Variants in DIAPH3 observed in about 807,000 individuals in gnomAD.
DIAPH3 encodes the protein protein diaphanous homolog 3.
In DIAPH3, 117 loss-of-function variants were observed where a neutral mutation model predicts 144.3. The ratio of observed to expected loss-of-function variants is 0.81; its 90% CI spans 0.70 to 0.95. The LOEUF (loss-of-function observed/expected upper bound fraction) is 0.95, where lower values mean the gene tolerates loss of function less well. Ranked by LOEUF, DIAPH3 falls within the 40% of genes least tolerant of loss-of-function variation. The probability of loss-of-function intolerance (pLI) is 0.00; values close to 1 mark genes in which losing one functional copy is unlikely to be tolerated. For missense variants in DIAPH3, 1,421 were observed against 1,412.7 expected (o/e 1.01, Z -0.09); for synonymous variants, 519 against 488.9 (o/e 1.06, Z -0.81).
chr13:59,945,620 GAA>G (rs150378815), intron 17 of DIAPH3, among the ~76,000 whole-genome samples: 3 of 132,108 alleles, frequency 2.3e-5, no homozygotes, highest in Admixed American at 7.7e-5. Context: ...CTTGCTGACA[GAA>G]AAAAAAAAAA....
At chr13:60,042,453 T>C (rs2055743851) in intron 5 of DIAPH3, among the ~76,000 whole-genome samples, 1 of 152,174 alleles carries the variant, frequency 6.6e-6, no homozygotes. Flanking sequence ...ACACCTTAAG[T>C]TTCTAAAAAT....
intron 14 of DIAPH3, among the ~76,000 whole-genome samples, chr13:59,979,002 C>A (rs899529701): frequency 6.6e-6 from 1 of 151,548 alleles, no homozygotes; most frequent in Non-Finnish European, 1.5e-5. Context: ...TAGCTTCCTG[C>A]CTAAAGCAAA....
At chr13:59,984,006 A>G (rs2140729573) in intron 12 of DIAPH3, 119 bp from the exon 13 acceptor site, 4 of 696,044 alleles carry the variant, frequency 5.7e-6, no homozygotes, top group South Asian at 3.4e-5. Context: ...TATAATTTCA[A>G]TAGTTGACAC....
chr13:59,704,443 T>A (rs73208910), intron 27 of DIAPH3, among the ~76,000 whole-genome samples: 6,917 of 152,326 alleles, frequency 0.045, 180 homozygotes, highest in African/African-American at 0.054. Flanking sequence ...TTGGCAGGAA[T>A]GTTGATCTGC....
chr13:59,686,441 C>T (rs1337240369), intron 27 of DIAPH3, among the ~76,000 whole-genome samples: 1 of 151,452 alleles, frequency 6.6e-6, no homozygotes, highest in Non-Finnish European at 1.5e-5. Flanking sequence ...ATTCGGCTCA[C>T]AGGTGACTGT....
intron 3 of DIAPH3, among the ~76,000 whole-genome samples, chr13:60,093,961 T>G (rs2058032436): frequency 6.6e-6 from 1 of 152,198 alleles, no homozygotes; most frequent in Admixed American, 6.5e-5. Flanking sequence ...AAAGAACTTT[T>G]AAAATTCACA....
chr13:59,712,364 T>G (rs534129091), intron 27 of DIAPH3, among the ~76,000 whole-genome samples: 1 of 152,308 alleles, frequency 6.6e-6, no homozygotes, highest in South Asian at 2.1e-4. Context: ...AACAAGAGAC[T>G]CATCTGTCTG....
chr13:59,886,151 T>C (rs1419697497), intron 20 of DIAPH3, among the ~76,000 whole-genome samples: 1 of 152,170 alleles, frequency 6.6e-6, no homozygotes, highest in African/African-American at 2.4e-5. Flanking sequence ...TGTTTTATTC[T>C]AGTTATCTTT....
At chr13:59,690,243 T>C (rs182724280) in intron 27 of DIAPH3, among the ~76,000 whole-genome samples, 1 of 152,270 alleles carries the variant, frequency 6.6e-6, no homozygotes, top group East Asian at 1.9e-4. Flanking sequence ...GCTTTATGTG[T>C]TTCAATGCAT....
intron 5 of DIAPH3, among the ~76,000 whole-genome samples, chr13:60,022,698 C>T (rs1259237270): frequency 6.6e-6 from 1 of 152,098 alleles, no homozygotes; most frequent in East Asian, 1.9e-4. Context: ...CCTTTATGAC[C>T]TCATCTTAAT....
chr13:59,977,634 G>T (rs1406902499), intron 14 of DIAPH3, among the ~76,000 whole-genome samples: 3 of 151,738 alleles, frequency 2.0e-5, no homozygotes, highest in Non-Finnish European at 4.4e-5. Flanking sequence ...AGAACTGAAG[G>T]CCTTCCTGAA....
At chr13:59,876,342 C>A (rs557550862) in intron 21 of DIAPH3, among the ~76,000 whole-genome samples, 1 of 152,230 alleles carries the variant, frequency 6.6e-6, no homozygotes, top group East Asian at 1.9e-4. Context: ...TCTTCCACAA[C>A]AGAAGGCTCC....
At chr13:59,740,127 G>A (rs1477440596) in intron 27 of DIAPH3, among the ~76,000 whole-genome samples, 2 of 152,126 alleles carry the variant, frequency 1.3e-5, no homozygotes, top group Non-Finnish European at 2.9e-5. Flanking sequence ...TTGATAATGT[G>A]TATACACTCA....
chr13:59,824,109 G>A (rs1484344787), intron 24 of DIAPH3, among the ~76,000 whole-genome samples: 1 of 152,058 alleles, frequency 6.6e-6, no homozygotes, highest in Non-Finnish European at 1.5e-5. Flanking sequence ...AGCTATACAT[G>A]TGAAACAGGT....
intron 27 of DIAPH3, among the ~76,000 whole-genome samples, chr13:59,752,738 C>G (rs1338055564): frequency 6.6e-6 from 1 of 151,960 alleles, no homozygotes; most frequent in Non-Finnish European, 1.5e-5. Flanking sequence ...TGGGAAAGGT[C>G]TAAACAAAAA....
intron 20 of DIAPH3, among the ~76,000 whole-genome samples, chr13:59,884,270 G>T (rs142445000): frequency 0.012 from 1,756 of 152,240 alleles, 19 homozygotes; most frequent in Middle Eastern, 0.034. Flanking sequence ...CCATTTAGTT[G>T]CAGGAAAACA....
rs1245747264 is a variant in DIAPH3, at chr13:59,933,990, AGATT to A, written c.2075-9124_2075-9121del. 2.0e-5 allele frequency among the ~76,000 whole-genome samples: 3 copies of A among 152,190 alleles called. No individual in the cohort carries two copies. In the East Asian group the frequency reaches 5.8e-4, roughly 29 times the overall value. ...GTTCATTTTCCATTATGTACTAATC[AGATT>A]GATTAAAAATATAGCTTTTTAGGAG... On this transcript the variant is annotated intron_variant, in intron 17 of 27. Coordinates refer to ENST00000400324, the MANE Select transcript of DIAPH3 (RefSeq NM_001042517.2).
At chr13:59,947,614 C>A (rs2048867598) in intron 17 of DIAPH3, among the ~76,000 whole-genome samples, 1 of 151,852 alleles carries the variant, frequency 6.6e-6, no homozygotes, top group African/African-American at 2.4e-5. Context: ...CCTGTAGACC[C>A]AGCTACTCAG....
chr13:59,988,995 C>G (rs1281271288), intron 12 of DIAPH3, among the ~76,000 whole-genome samples: 1 of 151,806 alleles, frequency 6.6e-6, no homozygotes, highest in Non-Finnish European at 1.5e-5. Context: ...AAAAAAGATT[C>G]TAATTTTTCC....
Sources: allele counts gnomAD v4.1 joint callset (sites outside exome capture counted in the v4.1 genomes callset), GRCh38; gene constraint gnomAD v4.1.1; transcripts MANE v1.5; gene names NCBI Gene and HGNC (gene_info 2026-07-23, HGNC 2026-07-21).